The following BCAS3 variants were observed in gnomAD, a reference collection of about 807,000 sequenced individuals.
BCAS3 encodes the protein BCAS3 microtubule associated cell migration factor, also known as BCAS4/BCAS3 fusion.
In BCAS3, 53 loss-of-function variants were observed where a neutral mutation model predicts 116.1. The observed-to-expected ratio is 0.46, with a 90% confidence interval of 0.37 to 0.57. The LOEUF is 0.57. BCAS3 is among the 20% of genes least tolerant of loss of function. BCAS3 has a pLI of 0.00. For missense variants in BCAS3, 917 were observed against 1,165.4 expected (o/e 0.79, Z 3.10); for synonymous variants, 391 against 408.2 (o/e 0.96, Z 0.51).
At chr17:60,898,280 T>A (rs924315672) in intron 10 of BCAS3, among the ~76,000 whole-genome samples, 1 of 152,202 alleles carries the variant, frequency 6.6e-6, no homozygotes, top group Non-Finnish European at 1.5e-5. Context: ...TTTTTCATGT[T>A]TCCTGTGTCT....
intron 7 of BCAS3, among the ~76,000 whole-genome samples, chr17:60,828,025 G>GT (rs914179609): frequency 4.0e-5 from 6 of 151,748 alleles, no homozygotes; most frequent in Middle Eastern, 3.2e-3. Context: ...CAAAACAATA[G>GT]TTTTTTTTCA....
rs1401899535 is a variant in BCAS3 at position 61,332,722 on chromosome 17, TCTC to T, written c.2426-35602_2426-35600del. Among the ~76,000 whole-genome samples, 1 of 152,144 alleles carries T rather than the reference TCTC, an allele frequency of 6.6e-6. No individual in the cohort carries two copies. Among genetic ancestry groups the T allele is most frequent in the Non-Finnish European group, 1.5e-5 (1 of 68,018 alleles). ...CCTCCACCTCCCAGGTTCAAGCCATTCTCCTGCCTCAGCTTCCTGAATAGCTGG... is the reference window on the plus strand; with the variant it reads ...CCTCCACCTCCCAGGTTCAAGCCATTCTGCCTCAGCTTCCTGAATAGCTGG... On this transcript the variant is annotated intron_variant, in intron 22 of 23. Coordinates refer to ENST00000407086, the MANE Select transcript of BCAS3 (RefSeq NM_017679.5). This position sits in a 1 kb window ranked among gnomAD's most constrained non-coding sequence, Gnocchi z 5.4.
rs922445752 is a variant in BCAS3 at position 61,186,552 on chromosome 17, A to C, written c.2425+101988A>C. On this transcript the variant is annotated intron_variant, in intron 22 of 23. Transcript: ENST00000407086. This position sits in a 1 kb window ranked among gnomAD's most constrained non-coding sequence, Gnocchi z 4.9. ...AAATATGGTCATAAATATGCTCATA[A>C]CTTATTTTAATTGTTCATTTGAATT... Among the ~76,000 whole-genome samples the C allele has an allele frequency of 5.3e-5, 8 of 152,198 alleles. No individual in the cohort carries two copies. The highest frequency in any genetic ancestry group is 4.6e-4 in the Admixed American group (7 of 15,282).
At chr17:60,714,468 A>G (rs1473335713) in intron 5 of BCAS3, among the ~76,000 whole-genome samples, 3 of 152,124 alleles carry the variant, frequency 2.0e-5, no homozygotes, top group African/African-American at 7.2e-5. Flanking sequence ...GTTTGAGACC[A>G]TCCTAGCCAA....
rs547186559 is a variant in BCAS3 at position 61,366,401 on chromosome 17, T to C, written c.2426-1926T>C. On this transcript the variant is annotated intron_variant, in intron 22 of 23. Coordinates refer to ENST00000407086, the MANE Select transcript of BCAS3 (RefSeq NM_017679.5). This position sits in a 1 kb window ranked among gnomAD's most constrained non-coding sequence, Gnocchi z 4.5. ...GAAAAGGAGCTAGAAGGACTGGCTG[T>C]GCATCATGCAGTGAGTCGGCAGCAG... Among the ~76,000 whole-genome samples, 1 of 152,336 alleles carries C rather than the reference T, an allele frequency of 6.6e-6. No individual in the cohort carries two copies. Among genetic ancestry groups the C allele is most frequent in the African/African-American group, 2.4e-5 (1 of 41,574 alleles).
chr17:60,709,576 G>A (rs1053014585), intron 5 of BCAS3: 2 of 328,908 alleles, frequency 6.1e-6, no homozygotes, highest in African/African-American at 4.4e-5. Context: ...TTTTAGTAGA[G>A]ATGGGTTTTG....
intron 2 of BCAS3, among the ~76,000 whole-genome samples, chr17:60,681,226 G>T (rs1378454435): frequency 1.3e-5 from 2 of 151,990 alleles, no homozygotes; most frequent in African/African-American, 4.8e-5. Context: ...ATGTCTGGGC[G>T]CAGTGGCTCA....
chr17:60,923,181 C>T (rs549752391), intron 12 of BCAS3, among the ~76,000 whole-genome samples: 8 of 152,184 alleles, frequency 5.3e-5, no homozygotes, highest in Non-Finnish European at 1.2e-4. Flanking sequence ...GTATTTGTAG[C>T]TAGATTGAAT....
At chr17:61,252,612 T>C (rs1327799243) in intron 22 of BCAS3, among the ~76,000 whole-genome samples, 1 of 151,720 alleles carries the variant, frequency 6.6e-6, no homozygotes, top group African/African-American at 2.4e-5. Context: ...ATTAAACAGT[T>C]GCTGAGTCCT....
rs2074642201 is a variant in BCAS3 at position 61,106,245 on chromosome 17, A to G, written c.2425+21681A>G. Among the ~76,000 whole-genome samples the G allele has an allele frequency of 6.6e-6, 1 of 152,222 alleles. No homozygotes were observed. The highest frequency in any genetic ancestry group is 1.5e-5 in the Non-Finnish European group (1 of 68,038). ...AAAAACATGGTATATACAGTCATGT[A>G]TGGCATAGTGACCTTTCAGTCAACA... On this transcript the variant is annotated intron_variant, in intron 22 of 23. Coordinates refer to ENST00000407086, the MANE Select transcript of BCAS3 (RefSeq NM_017679.5). The surrounding 1 kb of genome is among the most constrained non-coding windows in gnomAD (Gnocchi z 4.2).
At chr17:60,820,798 T>G (rs1014093552) in intron 7 of BCAS3, among the ~76,000 whole-genome samples, 1 of 152,160 alleles carries the variant, frequency 6.6e-6, no homozygotes, top group African/African-American at 2.4e-5. Context: ...TTTAAGCACT[T>G]TCAAACCAGA....
At chr17:61,340,298 G>A (rs948010564) in intron 22 of BCAS3, among the ~76,000 whole-genome samples, 6 of 146,564 alleles carry the variant, frequency 4.1e-5, no homozygotes, top group African/African-American at 7.6e-5. Flanking sequence ...ATTGACCTTG[G>A]TAGAAGGAAG....
intron 22 of BCAS3, among the ~76,000 whole-genome samples, chr17:61,216,646 C>T (rs1209753178): frequency 9.3e-5 from 14 of 151,276 alleles, no homozygotes; most frequent in Admixed American, 7.2e-4. Flanking sequence ...CGGGTTCAAG[C>T]GATTCTCCTG....
chr17:61,370,471 C>T (rs955416489), intron 23 of BCAS3, among the ~76,000 whole-genome samples: 1 of 152,236 alleles, frequency 6.6e-6, no homozygotes, highest in South Asian at 2.1e-4. Context: ...TCACTACAAC[C>T]TCCACCTCCC....
intron 5 of BCAS3, among the ~76,000 whole-genome samples, chr17:60,734,243 C>T (rs2040748252): frequency 6.6e-6 from 1 of 152,196 alleles, no homozygotes; most frequent in Admixed American, 6.5e-5. Context: ...GATCCTCCTG[C>T]TTCAGCTTCC....
chr17:61,368,658 C>G lies in BCAS3; in HGVS notation c.2593+164C>G, dbSNP rs975854006. On this transcript the variant is annotated intron_variant, in intron 23 of 23. Transcript: ENST00000407086. This position sits in a 1 kb window ranked among gnomAD's most constrained non-coding sequence, Gnocchi z 6.0. ...CTGAGGAGCTCTGGTGTTGGGAAACCCTGTGTAAAGGGGAGCTCCCAGTGG... is the reference window on the plus strand; with the variant it reads ...CTGAGGAGCTCTGGTGTTGGGAAACGCTGTGTAAAGGGGAGCTCCCAGTGG... Among the ~76,000 whole-genome samples the G allele has an allele frequency of 6.6e-6, 1 of 152,230 alleles. No individual in the cohort carries two copies. Among genetic ancestry groups the G allele is most frequent in the African/African-American group, 2.4e-5 (1 of 41,464 alleles).
In BCAS3 at chr17:61,307,456, C is replaced by A. The variant is rs1005469799; in HGVS notation, c.2426-60871C>A. 1.3e-5 allele frequency among the ~76,000 whole-genome samples: 2 copies of A among 152,182 alleles called. No homozygotes were observed. Among genetic ancestry groups the A allele is most frequent in the African/African-American group, 2.4e-5 (1 of 41,442 alleles). On this transcript the variant is annotated intron_variant, in intron 22 of 23. Coordinates refer to ENST00000407086, the MANE Select transcript of BCAS3 (RefSeq NM_017679.5). The surrounding 1 kb of genome is among the most constrained non-coding windows in gnomAD (Gnocchi z 4.7). ...CCCATTGCATTTACTACAGTTACAA[C>A]GATAATAAATGTTGAATTAACTTTC... is the stretch of plus-strand genomic sequence containing the variant.
intron 22 of BCAS3, among the ~76,000 whole-genome samples, chr17:61,292,108 T>C (rs186757142): frequency 2.6e-5 from 4 of 152,158 alleles, no homozygotes; most frequent in Non-Finnish European, 4.4e-5. Flanking sequence ...CTAGAAGACT[T>C]GCCACATGTA....
At chr17:60,889,544 A>G in intron 9 of BCAS3, 151 bp from the exon 10 acceptor site, 1 of 644,284 alleles carries the variant, frequency 1.6e-6, no homozygotes, top group East Asian at 2.7e-5. Context: ...TTACTTAGCT[A>G]ACAAAATAAT....
Sources: allele counts gnomAD v4.1 joint callset (sites outside exome capture counted in the v4.1 genomes callset), GRCh38; gene constraint gnomAD v4.1.1; non-coding constraint Gnocchi (gnomAD v3.1); transcripts MANE v1.5; gene names NCBI Gene and HGNC (gene_info 2026-07-23, HGNC 2026-07-21).